Variants in POU1F1 observed in about 807,000 individuals in gnomAD.
POU1F1 encodes the protein pituitary-specific positive transcription factor 1.
Under a neutral mutation model 32.3 loss-of-function variants are expected in POU1F1, and 23 were observed. That is an observed-to-expected ratio of 0.71 (90% confidence interval 0.51 to 1.01). POU1F1 has a LOEUF of 1.01. POU1F1 is among the 50% of genes least tolerant of loss of function. The probability of loss-of-function intolerance (pLI) is 0.00; values close to 1 mark genes in which losing one functional copy is unlikely to be tolerated. For missense variants in POU1F1, 323 were observed against 341.6 expected (o/e 0.95, Z 0.43); for synonymous variants, 120 against 115.6 (o/e 1.04, Z -0.25).
chr3:87,263,272 CATAAT>C (rs1263299234), intron 3 of POU1F1, among the ~76,000 whole-genome samples: 2 of 152,008 alleles, frequency 1.3e-5, no homozygotes, highest in Non-Finnish European at 2.9e-5. Context: ...ACTTTACACT[CATAAT>C]AAAAGAAATT....
intron 1 of POU1F1, 107 bp from the exon 2 acceptor site, chr3:87,273,525 A>G (rs1706766131): frequency 2.0e-6 from 3 of 1,535,554 alleles, no homozygotes; most frequent in East Asian, 2.4e-5. Flanking sequence ...AGGATTCAAG[A>G]CACATTCGTT....
At chr3:87,274,291 C>A (rs1465239454) in intron 1 of POU1F1, among the ~76,000 whole-genome samples, 3 of 152,064 alleles carry the variant, frequency 2.0e-5, no homozygotes, top group African/African-American at 7.2e-5. Flanking sequence ...AAACACAAAT[C>A]ATCAAGTTGA....
chr3:87,273,612 T>A lies in POU1F1; in HGVS notation c.143-194A>T, dbSNP rs1167563062. 6 of 1,059,512 alleles carry A rather than the reference T, an allele frequency of 5.7e-6. No individual in the cohort carries two copies. The East Asian group carries it at 1.0e-4, about 18-fold the overall frequency. 65.6% of individuals were successfully genotyped at this position (1,059,512 alleles called of 1,614,324 possible). ...TTTTTCTCATTTTGGGTAAGTTCTC[T>A]GACGAGTAGGTTAAAACTAGGGGGG... On this transcript the variant is annotated intron_variant, in intron 1 of 5. Coordinates refer to ENST00000350375, the MANE Select transcript of POU1F1 (RefSeq NM_000306.4).
At chr3:87,267,846 A>G (rs1706652622) in intron 2 of POU1F1, among the ~76,000 whole-genome samples, 1 of 152,062 alleles carries the variant, frequency 6.6e-6, no homozygotes, top group Admixed American at 6.6e-5. Context: ...GCTTCAAGCA[A>G]TCCTCCAGCC....
chr3:87,263,390 G>C (rs1454306064), intron 3 of POU1F1, among the ~76,000 whole-genome samples: 1 of 151,934 alleles, frequency 6.6e-6, no homozygotes, highest in Non-Finnish European at 1.5e-5. Context: ...TATTTATTTT[G>C]TGTTATAGTT....
chr3:87,276,557 AC>A lies in POU1F1; in HGVS notation c.-96del. On this transcript the variant is annotated 5_prime_UTR_variant, in exon 1 of 6. An upstream open reading frame in the 5' UTR loses its in-frame stop. Transcript: ENST00000350375. ...TCAAAGGGCCGATTCAATTCTCACT[AC>A]CTGCATATATACATCAGGAAGGCTC... 7.1e-7 allele frequency: 1 copy of A among 1,405,434 alleles called. No individual in the cohort carries two copies. The highest frequency in any genetic ancestry group is 2.5e-5 in the East Asian group (1 of 40,632). 87.1% of individuals were successfully genotyped at this position (1,405,434 alleles called of 1,614,324 possible). A position where few individuals can be genotyped will look rare whatever the true frequency, so the allele number is the denominator to read the frequency against.
At chr3:87,261,077 A>C (rs1706505601) in intron 5 of POU1F1, among the ~76,000 whole-genome samples, 196 bp downstream of exon 5, 1 of 151,772 alleles carries the variant, frequency 6.6e-6, no homozygotes, top group Non-Finnish European at 1.5e-5. Context: ...TGCCCGGCTA[A>C]ATTTTGTATT....
rs1478435601 is a variant in POU1F1, at chr3:87,276,409, G to C, written c.54C>G (p.Asp18Glu). The change falls in exon 1 of 6, where the codon GAC (aspartate) becomes GAG (glutamate). Residue 18 changes from aspartate to glutamate, a missense_variant. Asp to Glu is a conservative substitution (Grantham distance 45). Coordinates refer to ENST00000350375, the MANE Select transcript of POU1F1 (RefSeq NM_000306.4). ...SADTFIPLNS[D>E]ASATLPLIMH... ...TTATCAGAGGCAGAGTTGCAGAGGC[G>C]TCAGAATTCAGAGGTATAAAGGTAT... is the stretch of plus-strand genomic sequence containing the variant. The C allele has an allele frequency of 1.9e-6, 3 of 1,613,826 alleles. No homozygotes were observed. Among genetic ancestry groups the C allele is most frequent in the Middle Eastern group, 1.6e-4 (1 of 6,084 alleles).
intron 1 of POU1F1, among the ~76,000 whole-genome samples, chr3:87,274,238 A>G (rs1369259124): frequency 6.6e-6 from 1 of 152,162 alleles, no homozygotes; most frequent in East Asian, 1.9e-4. Flanking sequence ...ATCAATGTGT[A>G]TTTTGGAAGT....
At chr3:87,270,661 C>G (rs1015767761) in intron 2 of POU1F1, among the ~76,000 whole-genome samples, 2 of 152,106 alleles carry the variant, frequency 1.3e-5, no homozygotes, top group South Asian at 4.1e-4. Flanking sequence ...TGTTAAGACA[C>G]TTCTGTGGAT....
chr3:87,261,401 G>T, intron 4 of POU1F1, 68 bp from the exon 5 acceptor site: 1 of 1,223,156 alleles, frequency 8.2e-7, no homozygotes, highest in South Asian at 1.4e-5. Context: ...GATCTGATTT[G>T]GATTTCAAAT....
In POU1F1 at chr3:87,276,424, T is replaced by C. The variant is rs772631185; in HGVS notation, c.39A>G (p.Ile13Met). 5 of 1,613,782 alleles carry C rather than the reference T, an allele frequency of 3.1e-6. No homozygotes were observed. Among genetic ancestry groups the C allele is most frequent in the Non-Finnish European group, 4.2e-6 (5 of 1,179,892 alleles). Residue 13 changes from isoleucine to methionine, a missense_variant, in exon 1 of 6, where the codon ATA (isoleucine) becomes ATG (methionine). Ile to Met is a conservative substitution (Grantham distance 10, BLOSUM62 1). Coordinates refer to ENST00000350375, the MANE Select transcript of POU1F1 (RefSeq NM_000306.4). ...CQAFTSADTF[I>M]PLNSDASATL... Reference sequence around the variant, plus strand: ...TTGCAGAGGCGTCAGAATTCAGAGGTATAAAGGTATCAGCCGAAGTAAAAG... The same window carrying C: ...TTGCAGAGGCGTCAGAATTCAGAGGCATAAAGGTATCAGCCGAAGTAAAAG...
intron 2 of POU1F1, among the ~76,000 whole-genome samples, chr3:87,265,347 G>A (rs1000010334): frequency 6.6e-6 from 1 of 152,078 alleles, no homozygotes; most frequent in Non-Finnish European, 1.5e-5. Context: ...TGACTCTACT[G>A]AGTGGATATG....
In POU1F1 at chr3:87,262,213, C is replaced by T. The variant is rs1038788343; in HGVS notation, c.462G>A (p.Gly154=). The change falls in exon 4 of 6, where the codon GGG becomes GGA. Residue 154 remains glycine, a synonymous_variant. Coordinates refer to ENST00000350375, the MANE Select transcript of POU1F1 (RefSeq NM_000306.4). ...IKLGYTQTNV[G]EALAAVHGSE... ...AGCCATGCACAGCTGCCAGGGCCTC[C>T]CCAACATTTGTCTGGGTGTATCCTG... 13 of 1,614,018 alleles carry T rather than the reference C, an allele frequency of 8.1e-6. No homozygotes were observed. In the African/African-American group the frequency reaches 1.3e-4, roughly 17 times the overall value.
rs577900142 is a variant in POU1F1 at position 87,265,093 on chromosome 3, G to A, written c.215-581C>T. On this transcript the variant is annotated intron_variant, in intron 2 of 5. Coordinates refer to ENST00000350375, the MANE Select transcript of POU1F1 (RefSeq NM_000306.4). ...ATCTTTTTTAATTAAATGAAGGTAG[G>A]CAGAAAGAGAATGATGAGAATATAA... is the stretch of plus-strand genomic sequence containing the variant. Among the ~76,000 whole-genome samples, 122 of 152,024 alleles carry A rather than the reference G, an allele frequency of 8.0e-4. 1 individual carries two copies. Among genetic ancestry groups the A allele is most frequent in the African/African-American group, 2.6e-3 (108 of 41,498 alleles).
intron 2 of POU1F1, among the ~76,000 whole-genome samples, chr3:87,268,493 CACA>C (rs1225685077): frequency 1.3e-5 from 2 of 152,098 alleles, no homozygotes; most frequent in Non-Finnish European, 2.9e-5. Context: ...AGAATTTCAT[CACA>C]ACAATTTAAA....
chr3:87,266,255 TTATA>T (rs1232143295), intron 2 of POU1F1, among the ~76,000 whole-genome samples: 1 of 146,606 alleles, frequency 6.8e-6, no homozygotes, highest in Non-Finnish European at 1.5e-5. Context: ...AATTTATATT[TTATA>T]TAAATTTAAT....
intron 5 of POU1F1, among the ~76,000 whole-genome samples, chr3:87,260,893 T>C (rs1706499759): frequency 6.9e-6 from 1 of 145,978 alleles, no homozygotes; most frequent in Non-Finnish European, 1.5e-5. Flanking sequence ...TATTTATTTA[T>C]TTATTTATTT....
At chr3:87,273,817 G>T (rs1008989834) in intron 1 of POU1F1, among the ~76,000 whole-genome samples, 1 of 152,088 alleles carries the variant, frequency 6.6e-6, no homozygotes, top group Non-Finnish European at 1.5e-5. Flanking sequence ...ATTGCAACTC[G>T]CCGACTAGAA....
Sources: gnomAD v4.1 joint callset for allele counts (sites outside exome capture counted in the v4.1 genomes callset) on GRCh38, gnomAD v4.1.1 for gene constraint, MANE v1.5 for transcripts, NCBI Gene and HGNC (gene_info 2026-07-23, HGNC 2026-07-21) for gene names.